The following CUX1 variants were observed in gnomAD, a reference collection of about 807,000 sequenced individuals.
CUX1 encodes the protein cut like homeobox 1.
CUX1 carries 31 observed loss-of-function variants against 158.8 expected under a neutral mutation model. That is an observed-to-expected ratio of 0.20 (90% CI 0.15 to 0.26). The LOEUF is 0.26. CUX1 is among the 10% of genes least tolerant of loss of function. The pLI is 1.00. For synonymous variants in CUX1, 879 were observed against 862.1 expected, an observed-to-expected ratio of 1.02 and a Z score of -0.34; for missense variants, 1,589 against 2,014.6, an observed-to-expected ratio of 0.79 and a Z score of 4.04.
At chr7:101,896,365 G>A (rs371326756) in intron 1 of CUX1, among the ~76,000 whole-genome samples, 2 of 152,106 alleles carry the variant, frequency 1.3e-5, no homozygotes, top group East Asian at 1.9e-4. Flanking sequence ...GCGTCGAATC[G>A]GTGTGCGTTT....
chr7:102,031,671 A>G (rs980257671), intron 3 of CUX1, among the ~76,000 whole-genome samples: 12 of 152,144 alleles, frequency 7.9e-5, no homozygotes, highest in Non-Finnish European at 1.6e-4. Context: ...TATTATGTAT[A>G]CTTAAGGTAT....
chr7:102,264,998 C>G (rs1790696586), intron 14 of CUX1: 1 of 152,218 alleles, frequency 6.6e-6, no homozygotes, highest in Non-Finnish European at 1.5e-5. Flanking sequence ...AGCACGAGGT[C>G]AGAGACACAA....
intron 20 of CUX1, among the ~76,000 whole-genome samples, chr7:102,222,721 G>A (rs781899359): frequency 1.3e-5 from 2 of 151,526 alleles, no homozygotes; most frequent in African/African-American, 4.8e-5. Context: ...ACACTTGGGC[G>A]CAGGGTGCAG....
intron 2 of CUX1, among the ~76,000 whole-genome samples, chr7:101,949,156 G>C (rs1808745880): frequency 6.6e-6 from 1 of 152,054 alleles, no homozygotes; most frequent in African/African-American, 2.4e-5. Context: ...TTTTGAGACA[G>C]AGTCTCACTC....
At chr7:102,274,883 C>T (rs1048594437) in intron 16 of CUX1, among the ~76,000 whole-genome samples, 9 of 152,178 alleles carry the variant, frequency 5.9e-5, no homozygotes, top group African/African-American at 1.4e-4. Flanking sequence ...CCCTCCTGCC[C>T]CTTTGCTTCC....
chr7:101,980,025 G>A (rs1216650657), intron 2 of CUX1, among the ~76,000 whole-genome samples: 2 of 152,196 alleles, frequency 1.3e-5, no homozygotes, highest in East Asian at 1.9e-4. Flanking sequence ...ACAGGCCCAG[G>A]GCTGGGTGAC....
At chr7:101,855,012 G>C (rs1207465202) in intron 1 of CUX1, among the ~76,000 whole-genome samples, 5 of 152,364 alleles carry the variant, frequency 3.3e-5, no homozygotes, top group African/African-American at 1.2e-4. Flanking sequence ...TGGGATGACA[G>C]GTGTGAGCCA....
At chr7:101,926,861 C>CTTCT (rs1357455570) in intron 2 of CUX1, among the ~76,000 whole-genome samples, 1 of 152,102 alleles carries the variant, frequency 6.6e-6, no homozygotes, top group Non-Finnish European at 1.5e-5. Flanking sequence ...ACCCTCCTCT[C>CTTCT]TTCTTTCCTT....
At chr7:102,134,424 A>G (rs1554498181) in intron 8 of CUX1, among the ~76,000 whole-genome samples, 1 of 152,236 alleles carries the variant, frequency 6.6e-6, no homozygotes, top group African/African-American at 2.4e-5. Context: ...ACTTCTGTCC[A>G]ATAATGGCCT....
chr7:101,844,630 T>C (rs992378851), intron 1 of CUX1, among the ~76,000 whole-genome samples: 1 of 152,182 alleles, frequency 6.6e-6, no homozygotes, highest in Admixed American at 6.6e-5. Flanking sequence ...CTTTTTGTTT[T>C]TCCGAGACAG....
intron 2 of CUX1, among the ~76,000 whole-genome samples, chr7:102,027,258 A>T (rs1284493590): frequency 6.6e-6 from 1 of 152,092 alleles, no homozygotes. Context: ...CTGTAGTCCC[A>T]CTTACTCGGG....
At chr7:102,107,915 G>C (rs1344382649) in intron 6 of CUX1, among the ~76,000 whole-genome samples, 1 of 152,236 alleles carries the variant, frequency 6.6e-6, no homozygotes, top group Non-Finnish European at 1.5e-5. Flanking sequence ...TCGTCCCTGG[G>C]GGAGCGCGGC....
intron 2 of CUX1, among the ~76,000 whole-genome samples, chr7:101,939,270 G>T (rs1476737623): frequency 1.3e-5 from 2 of 151,302 alleles, no homozygotes; most frequent in Non-Finnish European, 2.9e-5. Context: ...TGCAGTCTTC[G>T]AGTCTGGCTT....
At chr7:101,934,907 A>C (rs1806735708) in intron 2 of CUX1, among the ~76,000 whole-genome samples, 1 of 151,680 alleles carries the variant, frequency 6.6e-6, no homozygotes, top group African/African-American at 2.4e-5. Flanking sequence ...GTTCTCTAGG[A>C]GTAGAGGTGA....
intron 14 of CUX1, among the ~76,000 whole-genome samples, chr7:102,266,862 C>T (rs1563518317): frequency 6.6e-6 from 1 of 152,066 alleles, no homozygotes; most frequent in Admixed American, 6.6e-5. Context: ...ATTGGAGGAG[C>T]GGAATTAGAC....
intron 2 of CUX1, among the ~76,000 whole-genome samples, chr7:101,956,634 A>G (rs959828137): frequency 6.6e-6 from 1 of 152,214 alleles, no homozygotes; most frequent in Non-Finnish European, 1.5e-5. Flanking sequence ...AATCTATCCC[A>G]AGGAAAAAAA....
At chr7:102,239,634 T>C (rs2132497194) in intron 23 of CUX1, 50 bp downstream of exon 23, 1 of 1,580,392 alleles carries the variant, frequency 6.3e-7, no homozygotes, top group Non-Finnish European at 8.6e-7. Flanking sequence ...GGGAAGGGGC[T>C]GATCTGTCCG....
chr7:102,196,312 G>A (rs1794797610), intron 14 of CUX1, among the ~76,000 whole-genome samples: 2 of 152,162 alleles, frequency 1.3e-5, no homozygotes, highest in Non-Finnish European at 2.9e-5. Context: ...AGAGGCCCGC[G>A]ACCCGTCAAC....
chr7:102,070,423 C>T lies in CUX1; in HGVS notation c.268+6C>T, dbSNP rs374525659. 3 of 1,606,052 alleles carry T rather than the reference C, an allele frequency of 1.9e-6. No individual in the cohort carries two copies. In the African/African-American group the frequency reaches 4.0e-5, roughly 22 times the overall value. ...AAGATTGATTGACGTCCCAGGTAAG[C>T]CCCGGCAGTAATGGCCCACCAGTGG... On this transcript the variant is annotated splice_donor_region_variant and intron_variant, in intron 4 of 23. Transcript: ENST00000292535.
Sources: gnomAD v4.1 joint callset for allele counts (sites outside exome capture counted in the v4.1 genomes callset) on GRCh38, gnomAD v4.1.1 for gene constraint, MANE v1.5 for transcripts, NCBI Gene and HGNC (gene_info 2026-07-23, HGNC 2026-07-21) for gene names.